Variants in HDAC9 observed in about 807,000 individuals in gnomAD.
The protein encoded by HDAC9 is MEF-2 interacting transcription repressor (MITR) protein.
Under a neutral mutation model 139.4 loss-of-function variants are expected in HDAC9, and 41 were observed. That is an observed-to-expected ratio of 0.29 (90% CI 0.23 to 0.38). The LOEUF is 0.38. HDAC9 is among the 10% of genes least tolerant of loss of function. The pLI, the probability that HDAC9 is intolerant of heterozygous loss-of-function variation, is 1.00. For synonymous variants in HDAC9, 517 were observed against 476.2 expected, an observed-to-expected ratio of 1.09 and a Z score of -1.12; for missense variants, 1,147 against 1,297.0, an observed-to-expected ratio of 0.88 and a Z score of 1.78.
intron 21 of HDAC9, among the ~76,000 whole-genome samples, chr7:18,860,219 C>T (rs1333332262): frequency 2.0e-5 from 3 of 151,912 alleles, no homozygotes; most frequent in Non-Finnish European, 4.4e-5. Flanking sequence ...CTTATTGTCC[C>T]TCTGGAGGGG....
intron 2 of HDAC9, among the ~76,000 whole-genome samples, chr7:18,222,183 T>G (rs1792750986): frequency 6.6e-6 from 1 of 152,216 alleles, no homozygotes; most frequent in Non-Finnish European, 1.5e-5. Context: ...TATGTGCTGC[T>G]TAATCTGGTT....
At chr7:18,157,804 TGAGAGAGAGAGAGAGAGAGA>T (rs67690215) in intron 1 of HDAC9, among the ~76,000 whole-genome samples, 8 of 109,528 alleles carry the variant, frequency 7.3e-5, no homozygotes, top group South Asian at 7.1e-4. Context: ...TTCTAAGGCA[TGAGAGAGAGAGAGAGAGAGA>T]GAGAGAGAGA....
In HDAC9 at chr7:18,564,278, C is replaced by A. The variant is rs116477739; in HGVS notation, c.23-21003C>A. Among the ~76,000 whole-genome samples, 119 of 152,042 alleles carry A rather than the reference C, an allele frequency of 7.8e-4. 1 individual carries two copies. The highest frequency in any genetic ancestry group is 2.5e-3 in the African/African-American group (104 of 41,468). On this transcript the variant is annotated intron_variant, in intron 2 of 25. Coordinates refer to ENST00000686413, the MANE Select transcript of HDAC9 (RefSeq NM_178425.4). The stretch of plus-strand genomic sequence containing the variant: ...TGTCCATGGCTATAAATTAATTAAT[C>A]TGTCCTGATTTTATGTCTGTCAAAT...
At chr7:18,443,194 T>TC (rs1791952766) in intron 1 of HDAC9, among the ~76,000 whole-genome samples, 1 of 152,244 alleles carries the variant, frequency 6.6e-6, no homozygotes, top group South Asian at 2.1e-4. Context: ...AGTTTTTTTT[T>TC]CTGAAGAAAA....
At position 18,345,724 on chromosome 7, in the gene HDAC9, TC is replaced by T. The variant is rs1459148706; in HGVS notation, c.-42+55210del. ...CTTCTTGAGCCAAGGCCCTGAAGAA[TC>T]TGATTTTCACCTTTTATTTGACTGG... On this transcript the variant is annotated intron_variant, in intron 1 of 3. Coordinates refer to the HDAC9 transcript ENST00000413509. Among the ~76,000 whole-genome samples, 5 of 152,132 alleles carry T rather than the reference TC, an allele frequency of 3.3e-5. No homozygotes were observed. The East Asian group carries it at 9.7e-4, about 29-fold the overall frequency.
chr7:18,604,409 CT>C lies in HDAC9; in HGVS notation c.664+10392del, dbSNP rs200748151. ...AGTCTACTGATGAGCACATTTGGAC[CT>C]TTTTTTTTTTTCTTGAGACGGAGTC... On this transcript the variant is annotated intron_variant, in intron 6 of 25. Transcript: ENST00000686413. Among the ~76,000 whole-genome samples, 330 of 144,814 alleles carry C rather than the reference CT, an allele frequency of 2.3e-3. 3 individuals are homozygous for C. The East Asian group carries it at 0.029, about 13-fold the overall frequency.
rs111679954 is a variant in HDAC9, at chr7:18,993,063, A to G, written c.3171-2960A>G. On this transcript the variant is annotated intron_variant, in intron 25 of 25. Transcript: ENST00000686413. ...GCTTCTCATTCCTCCAAACACAGCC[A>G]TTAAAGGGTCATCACTCACCAGATA... Among the ~76,000 whole-genome samples, 576 of 150,698 alleles carry G rather than the reference A, an allele frequency of 3.8e-3. 7 individuals are homozygous for G. Among genetic ancestry groups the G allele is most frequent in the African/African-American group, 0.013 (545 of 40,910 alleles).
chr7:18,738,617 G>T (rs896176809), intron 13 of HDAC9, among the ~76,000 whole-genome samples: 2 of 152,204 alleles, frequency 1.3e-5, no homozygotes, highest in Admixed American at 6.5e-5. Context: ...TAGGGTTTCT[G>T]CAGAGAGATC....
intron 13 of HDAC9, 131 bp downstream of exon 13, chr7:18,727,888 T>G: frequency 1.6e-6 from 1 of 621,916 alleles, no homozygotes; most frequent in Non-Finnish European, 2.5e-6. Context: ...ACCCAAATTT[T>G]ACGAGGTTAT....
At chr7:18,170,542 G>T in intron 2 of HDAC9, among the ~76,000 whole-genome samples, 1 of 144,580 alleles carries the variant, frequency 6.9e-6, no homozygotes. Context: ...GAATGGTATT[G>T]CCTAGGTTTT....
chr7:18,988,704 C>T (rs901025462), intron 25 of HDAC9, among the ~76,000 whole-genome samples: 1 of 150,958 alleles, frequency 6.6e-6, no homozygotes, highest in African/African-American at 2.4e-5. Context: ...GTCTAAGTCT[C>T]TTTGTAGGTC....
In HDAC9 at chr7:18,302,388, T is replaced by C. The variant is rs1054894217; in HGVS notation, c.-42+11873T>C. Among the ~76,000 whole-genome samples the C allele has an allele frequency of 1.3e-4, 20 of 152,252 alleles. 1 individual carries two copies. Among genetic ancestry groups the C allele is most frequent in the African/African-American group, 4.8e-4 (20 of 41,554 alleles). On this transcript the variant is annotated intron_variant, in intron 1 of 3. Coordinates refer to the HDAC9 transcript ENST00000413509. ...GCAATGTTATCCTTTGGTGAAGACA[T>C]TGTTATTGTGTATGGTGTGGCTGGA...
chr7:18,604,092 A>G (rs932961349), intron 6 of HDAC9, among the ~76,000 whole-genome samples: 1 of 151,956 alleles, frequency 6.6e-6, no homozygotes, highest in Non-Finnish European at 1.5e-5. Context: ...ATGTCTCGAT[A>G]CTGAGTTTTT....
rs528681058 is a variant in HDAC9 at position 18,747,259 on chromosome 7, C to T, written c.1910-1746C>T. ...CCCTGAAGGATTTAAACAGAAGAGG[C>T]GACTGTTGTGTGGCAAATGGAATAG... On this transcript the variant is annotated intron_variant, in intron 13 of 25. Transcript: ENST00000686413. 1.4e-4 allele frequency among the ~76,000 whole-genome samples: 22 copies of T among 152,180 alleles called. No homozygotes were observed. The South Asian group carries it at 4.0e-3, about 27-fold the overall frequency.
At chr7:18,167,840 CCTCT>C (rs377734647) in intron 2 of HDAC9, among the ~76,000 whole-genome samples, 43 of 152,294 alleles carry the variant, frequency 2.8e-4, no homozygotes, top group African/African-American at 1.0e-3. Context: ...GAACAGCTGG[CCTCT>C]CTCTACCACA....
chr7:18,534,758 C>T (rs984077852), intron 2 of HDAC9, among the ~76,000 whole-genome samples: 8 of 152,200 alleles, frequency 5.3e-5, no homozygotes, highest in Non-Finnish European at 1.2e-4. Context: ...CTCTTGTGTC[C>T]CACGTTTCTG....
chr7:18,499,765 T>C (rs1797893846), intron 2 of HDAC9, among the ~76,000 whole-genome samples: 2 of 152,196 alleles, frequency 1.3e-5, no homozygotes, highest in Non-Finnish European at 2.9e-5. Flanking sequence ...CATCTATTCT[T>C]ACTTTAGGGT....
At chr7:18,556,911 T>C (rs760797814) in intron 2 of HDAC9, among the ~76,000 whole-genome samples, 13 of 152,194 alleles carry the variant, frequency 8.5e-5, no homozygotes, top group Middle Eastern at 3.4e-3. Context: ...ATGAGTGCTG[T>C]TTAATTGCTT....
At chr7:18,726,774 T>C (rs891794231) in intron 12 of HDAC9, among the ~76,000 whole-genome samples, 1 of 151,368 alleles carries the variant, frequency 6.6e-6, no homozygotes, top group Non-Finnish European at 1.5e-5. Context: ...AATACATACC[T>C]TTTTTTGCAC....
Sources: allele counts gnomAD v4.1 joint callset (sites outside exome capture counted in the v4.1 genomes callset), GRCh38; gene constraint gnomAD v4.1.1; transcripts MANE v1.5; gene names NCBI Gene and HGNC (gene_info 2026-07-23, HGNC 2026-07-21).